The following ANAPC2 variants were observed in gnomAD, a reference collection of about 807,000 sequenced individuals.
ANAPC2 encodes anaphase-promoting complex subunit 2.
ANAPC2 carries 29 observed loss-of-function variants against 84.3 expected under a neutral mutation model. The ratio of observed to expected loss-of-function variants is 0.34; its 90% CI spans 0.26 to 0.47. The LOEUF is 0.47. Among genes scored for constraint, ANAPC2 ranks in the 20% least tolerant of loss-of-function variants. The probability of loss-of-function intolerance (pLI) is 1.00; values close to 1 mark genes in which losing one functional copy is unlikely to be tolerated. For missense variants in ANAPC2, 857 were observed against 1,131.7 expected, an observed-to-expected ratio of 0.76 and a Z score of 3.48; for synonymous variants, 571 against 479.4, an observed-to-expected ratio of 1.19 and a Z score of -2.50.
rs200409843 is a variant in ANAPC2, at chr9:137,175,246, C to T, written c.2247G>A (p.Glu749=). ...GMASQADQKE[E]ELLLFWTYIQ... Reference sequence around the variant, plus strand: ...GGGCCTGCACGCGCACCAGCAGCTCCTCCTCCTTCTGGTCGGCCTGGGAGG... The same window carrying T: ...GGGCCTGCACGCGCACCAGCAGCTCTTCCTCCTTCTGGTCGGCCTGGGAGG... The change falls in exon 12 of 13, where the codon GAG becomes GAA. Residue 749 remains glutamate (E), a synonymous_variant. Coordinates refer to ENST00000323927, the MANE Select transcript of ANAPC2 (RefSeq NM_013366.4). 5.9e-4 allele frequency: 957 copies of T among 1,612,230 alleles called. 7 individuals are homozygous for T. In the South Asian group the frequency reaches 7.6e-3, roughly 13 times the overall value.
chr9:137,187,725 G>C lies in ANAPC2; in HGVS notation c.496C>G (p.Pro166Ala), dbSNP rs769204425. 5 of 1,613,892 alleles carry C rather than the reference G, an allele frequency of 3.1e-6. No homozygotes were observed. The highest frequency in any genetic ancestry group is 3.4e-6 in the Non-Finnish European group (4 of 1,180,032). Residue 166 changes from proline (P) to alanine (A), a missense_variant, in exon 2 of 13, where the codon CCC becomes GCC. Pro to Ala is a conservative substitution (Grantham distance 27). This residue lies in a region of ANAPC2 where 428 missense variants were observed against 513.8 expected (regional missense o/e 0.83). Transcript: ENST00000323927. ...TGGATCATCTCTTGGAAGGTTCTGG[G>C]GGTGCTAAAGAACAAGACTCCGCGC... ...MLRGVLFFST[P>A]RTFQEMIQRL...
chr9:137,180,521 G>C lies in ANAPC2; in HGVS notation c.1617C>G (p.Ile539Met). Residue 539 changes from isoleucine (I) to methionine (M), a missense_variant, in exon 9 of 13, where the codon ATC (isoleucine) becomes ATG (methionine). This residue lies in a region of ANAPC2 where 425 missense variants were observed against 595.5 expected (regional missense o/e 0.71). Transcript: ENST00000323927. The stretch of plus-strand genomic sequence containing the variant: ...GCAGCTTCAGCAGCTCCACGTTGCG[G>C]ATCTCCCTGGAAAGACGAGTGTCTG... ...HQFSFSPEREIRNVELLKLRF... is the reference protein window; with the variant it reads ...HQFSFSPEREMRNVELLKLRF... The C allele has an allele frequency of 6.2e-7, 1 of 1,613,030 alleles. No individual in the cohort carries two copies. Among genetic ancestry groups the C allele is most frequent in the Non-Finnish European group, 8.5e-7 (1 of 1,179,924 alleles).
At chr9:137,184,612 C>G (rs1834419278) in intron 4 of ANAPC2, among the ~76,000 whole-genome samples, 1 of 139,698 alleles carries the variant, frequency 7.2e-6, no homozygotes, top group Non-Finnish European at 1.5e-5. Flanking sequence ...CTGGGAGCCC[C>G]AGACGCAGAC....
chr9:137,179,604 C>A (rs963747227), intron 10 of ANAPC2, among the ~76,000 whole-genome samples: 6 of 152,242 alleles, frequency 3.9e-5, no homozygotes, highest in Non-Finnish European at 8.8e-5. Context: ...CTCCTCCACT[C>A]CCCACATCTG....
chr9:137,180,696 G>T, intron 8 of ANAPC2, 92 bp downstream of exon 8: 1 of 1,572,140 alleles, frequency 6.4e-7, no homozygotes, highest in Non-Finnish European at 8.6e-7. Context: ...GCTCCAACCA[G>T]GCCCCAGGCA....
rs1291454930 is a variant in ANAPC2, at chr9:137,175,440, C to G, written c.2053G>C (p.Val685Leu). 6.3e-7 allele frequency: 1 copy of G among 1,596,490 alleles called. No homozygotes were observed. ...SWTLEELSKAVKMPVALLRRR... is the reference protein window; with the variant it reads ...SWTLEELSKALKMPVALLRRR... The stretch of plus-strand genomic sequence containing the variant: ...CGCAGCAGCGCCACGGGCATCTTCA[C>G]CGCCTTGCTCAGTTCCTCCAGGGTC... The change falls in exon 12 of 13, where the codon GTG (valine) becomes CTG (leucine). Residue 685 changes from valine (V) to leucine (L), a missense_variant. Val to Leu is a conservative substitution (Grantham distance 32). This residue lies in a region of ANAPC2 where 425 missense variants were observed against 595.5 expected (regional missense o/e 0.71). Transcript: ENST00000323927.
chr9:137,186,377 T>C, intron 2 of ANAPC2, 21 bp from the exon 3 acceptor site: 1 of 1,582,552 alleles, frequency 6.3e-7, no homozygotes, highest in Non-Finnish European at 8.6e-7. Context: ...GCCCTGGCCA[T>C]GGGGCACCCA....
At position 137,174,896 on chromosome 9, in the gene ANAPC2, C is replaced by T; in HGVS notation, c.*46G>A. On this transcript the variant is annotated 3_prime_UTR_variant, in exon 13 of 13. Coordinates refer to ENST00000323927, the MANE Select transcript of ANAPC2 (RefSeq NM_013366.4). This position sits in a 1 kb window ranked among gnomAD's most constrained non-coding sequence, Gnocchi z 6.1. ...GGGCTGGCACGGGAGGACGAGAGCACCTGCAGGGCAGCGCCTGGCGGGCGG... is the reference window on the plus strand; with the variant it reads ...GGGCTGGCACGGGAGGACGAGAGCATCTGCAGGGCAGCGCCTGGCGGGCGG... 7.0e-7 allele frequency: 1 copy of T among 1,435,394 alleles called. No individual in the cohort carries two copies. 88.9% of individuals were successfully genotyped at this position (1,435,394 alleles called of 1,614,324 possible). A position where few individuals can be genotyped will look rare whatever the true frequency, so the allele number is the denominator to read the frequency against.
chr9:137,188,398 T>C lies in ANAPC2; in HGVS notation c.117+18A>G, dbSNP rs748910799. The C allele has an allele frequency of 1.2e-6, 2 of 1,600,952 alleles. No individual in the cohort carries two copies. Among genetic ancestry groups the C allele is most frequent in the Admixed American group, 1.7e-5 (1 of 59,434 alleles). On this transcript the variant is annotated intron_variant, in intron 1 of 12. Transcript: ENST00000323927. ...CGGAAACTCCGCGCGGGGCCGCCCC[T>C]CTCTTCCCAGGCCTCACCAGCCCCA...
At chr9:137,184,699 G>GCGAAGGCACAGGGAGCCCAAGA (rs1834422317) in intron 4 of ANAPC2, among the ~76,000 whole-genome samples, 1 of 144,392 alleles carries the variant, frequency 6.9e-6, no homozygotes, top group Non-Finnish European at 1.5e-5. Context: ...AGCAGACACG[G>GCGAAGGCACAGGGAGCCCAAGA]CGAAGGCACA....
chr9:137,178,929 G>T (rs2131332775), intron 10 of ANAPC2, among the ~76,000 whole-genome samples: 1 of 152,302 alleles, frequency 6.6e-6, no homozygotes, highest in Admixed American at 6.5e-5. Flanking sequence ...ACATCGCCCT[G>T]CCCTCCCCTA....
rs1834473183 is a variant in ANAPC2 at position 137,186,477 on chromosome 9, C to A, written c.741-121G>T. 6 of 1,324,268 alleles carry A rather than the reference C, an allele frequency of 4.5e-6. No individual in the cohort carries two copies. In the Admixed American group the frequency reaches 1.4e-4, roughly 31 times the overall value. The allele number at this position is 1,324,268 out of a possible 1,614,324, so 82.0% of individuals were successfully genotyped here. On this transcript the variant is annotated intron_variant, in intron 2 of 12. Coordinates refer to ENST00000323927, the MANE Select transcript of ANAPC2 (RefSeq NM_013366.4). ...CATGCAGCACACACACACACACACA[C>A]CCAGCACACACCTCCCCACAATCCT...
At chr9:137,184,823 GC>G in intron 4 of ANAPC2, 89 bp downstream of exon 4, 4 of 1,494,362 alleles carry the variant, frequency 2.7e-6, no homozygotes, top group Non-Finnish European at 3.6e-6. Context: ...GGCACAGGGA[GC>G]CCAGATGCAG....
rs531923294 is a variant in ANAPC2 at position 137,183,369 on chromosome 9, C to T, written c.1169-127G>A. The T allele has an allele frequency of 4.6e-4, 391 of 858,054 alleles. 1 individual carries two copies. Among genetic ancestry groups the T allele is most frequent in the South Asian group, 6.7e-4 (44 of 65,988 alleles). The allele number at this position is 858,054 out of a possible 1,614,324, so 53.2% of individuals were successfully genotyped here. The stretch of plus-strand genomic sequence containing the variant: ...CAGGTCCCCACTGCAGCCTCGTTCC[C>T]TTGTCCCCCCATCCCCACCTCTACC... On this transcript the variant is annotated intron_variant, in intron 5 of 12. Coordinates refer to ENST00000323927, the MANE Select transcript of ANAPC2 (RefSeq NM_013366.4).
rs907031521 is a variant in ANAPC2 at position 137,180,172 on chromosome 9, T to C, written c.1890+9A>G. 12 of 1,612,456 alleles carry C rather than the reference T, an allele frequency of 7.4e-6. No individual in the cohort carries two copies. The highest frequency in any genetic ancestry group is 1.0e-5 in the Non-Finnish European group (12 of 1,179,276). On this transcript the variant is annotated intron_variant, in intron 10 of 12. Transcript: ENST00000323927. Reference sequence around the variant, plus strand: ...CAAGAGCCCATGGGGTGGCCTGGCATGGAGGTACCTTGAGCTGCTCATACT... The same window carrying C: ...CAAGAGCCCATGGGGTGGCCTGGCACGGAGGTACCTTGAGCTGCTCATACT...
Position 137,176,245 on chromosome 9 carries a change from C to T in ANAPC2, c.1891-408G>A, listed in dbSNP as rs117704654. The T allele has an allele frequency of 2.9e-3, 457 of 159,074 alleles. 3 individuals are homozygous for T. The highest frequency in any genetic ancestry group is 4.5e-3 in the Non-Finnish European group (346 of 76,814). The allele number at this position is 159,074 out of a possible 1,614,324, so 9.9% of individuals were successfully genotyped here. On this transcript the variant is annotated intron_variant, in intron 10 of 12. Transcript: ENST00000323927. ...CGAAGACAGAGACCACCTGGAGCAACGCGGCCACAAGCCAAGAAACACCAA... is the reference window on the plus strand; with the variant it reads ...CGAAGACAGAGACCACCTGGAGCAATGCGGCCACAAGCCAAGAAACACCAA...
At chr9:137,180,637 C>T in intron 8 of ANAPC2, 110 bp from the exon 9 acceptor site, 1 of 1,572,542 alleles carries the variant, frequency 6.4e-7, no homozygotes, top group Non-Finnish European at 8.7e-7. Context: ...CCTGTGTGGG[C>T]ACCCCAATGG....
At chr9:137,182,091 C>CT (rs1280144618) in intron 6 of ANAPC2, among the ~76,000 whole-genome samples, 1 of 152,222 alleles carries the variant, frequency 6.6e-6, no homozygotes. Context: ...GCCTGCGCAC[C>CT]TGCAATCCCA....
rs531319334 is a variant in ANAPC2 at position 137,184,997 on chromosome 9, G to A, written c.964C>T (p.Arg322Cys). The A allele has an allele frequency of 4.0e-5, 65 of 1,609,194 alleles. No homozygotes were observed. Among genetic ancestry groups the A allele is most frequent in the South Asian group, 3.3e-5 (3 of 90,356 alleles). ...PASPEAGNTL[R>C]RWRCHVQRFF... The stretch of plus-strand genomic sequence containing the variant: ...CTTTGCACGTGGCAGCGCCAGCGGC[G>A]CAGGGTGTTGCCGGCCTCGGGAGAT... The change falls in exon 4 of 13, where the codon CGC (arginine) becomes TGC (cysteine). Residue 322 changes from arginine to cysteine, a missense_variant. Arg to Cys is a radical substitution (Grantham distance 180). Transcript: ENST00000323927.
Sources: allele counts gnomAD v4.1 joint callset (sites outside exome capture counted in the v4.1 genomes callset), GRCh38; gene constraint gnomAD v4.1.1; regional missense constraint gnomAD v4.1.1; non-coding constraint Gnocchi (gnomAD v3.1); transcripts MANE v1.5; gene names NCBI Gene and HGNC (gene_info 2026-07-23, HGNC 2026-07-21).